Variants in LRRC49 observed in about 807,000 individuals in gnomAD.
LRRC49 encodes the protein leucine-rich repeat-containing protein 49.
LRRC49 carries 50 observed loss-of-function variants against 83.3 expected under a neutral mutation model. The observed-to-expected ratio is 0.60, with a 90% CI of 0.48 to 0.76. The LOEUF (loss-of-function observed/expected upper bound fraction) is 0.76, where lower values mean the gene tolerates loss of function less well. Ranked by LOEUF, LRRC49 falls within the 30% of genes least tolerant of loss-of-function variation. The pLI, the probability that LRRC49 is intolerant of heterozygous loss-of-function variation, is 0.00. For missense variants in LRRC49, 704 were observed against 809.1 expected, an observed-to-expected ratio of 0.87 and a Z score of 1.58; for synonymous variants, 286 against 283.3, an observed-to-expected ratio of 1.01 and a Z score of -0.10.
At chr15:70,952,107 A>G (rs1567067062) in intron 8 of LRRC49, among the ~76,000 whole-genome samples, 1 of 152,160 alleles carries the variant, frequency 6.6e-6, no homozygotes, top group Non-Finnish European at 1.5e-5. Flanking sequence ...CATCCCAGGA[A>G]TAAAGTCTAC....
intron 11 of LRRC49, among the ~76,000 whole-genome samples, chr15:70,998,608 G>A (rs1055116721): frequency 6.6e-6 from 1 of 151,788 alleles, no homozygotes; most frequent in Non-Finnish European, 1.5e-5. Flanking sequence ...TTTCAAGATT[G>A]TCTCTTTATT....
At chr15:70,870,949 T>TG (rs1056579975) in intron 1 of LRRC49, among the ~76,000 whole-genome samples, 3 of 100,710 alleles carry the variant, frequency 3.0e-5, no homozygotes, top group Admixed American at 2.7e-4. Flanking sequence ...TGCTTAGTTT[T>TG]TTTTTTTTTT....
At chr15:70,938,777 G>A (rs1045189268) in intron 8 of LRRC49, among the ~76,000 whole-genome samples, 1 of 152,114 alleles carries the variant, frequency 6.6e-6, no homozygotes, top group Non-Finnish European at 1.5e-5. Flanking sequence ...CTCTAATTCA[G>A]TAGTTTTAGG....
At chr15:70,987,682 T>G (rs1041137051) in intron 11 of LRRC49, among the ~76,000 whole-genome samples, 5 of 152,190 alleles carry the variant, frequency 3.3e-5, no homozygotes, top group African/African-American at 1.2e-4. Flanking sequence ...TACTAGCTTT[T>G]GAATGTGTTT....
At chr15:70,860,945 C>A (rs2032774300) in intron 1 of LRRC49, among the ~76,000 whole-genome samples, 1 of 152,134 alleles carries the variant, frequency 6.6e-6, no homozygotes, top group Admixed American at 6.5e-5. Context: ...GTGTCTCTGG[C>A]TTTTTCCTCT....
At position 70,920,669 on chromosome 15, in the gene LRRC49, G is replaced by A. The variant is rs117271428; in HGVS notation, c.711+1476G>A. Among the ~76,000 whole-genome samples the A allele has an allele frequency of 2.0e-4, 31 of 152,274 alleles. No homozygotes were observed. The East Asian group carries it at 2.7e-3, about 13-fold the overall frequency. ...TAGGAAATTGCTTACTGAATTTCCC[G>A]TTGAGTATTATGTTTAATCATTACT... On this transcript the variant is annotated intron_variant, in intron 7 of 15. Transcript: ENST00000260382.
chr15:71,032,854 A>G (rs1373067062), intron 14 of LRRC49, among the ~76,000 whole-genome samples: 1 of 152,206 alleles, frequency 6.6e-6, no homozygotes. Flanking sequence ...TATTGATGGA[A>G]TGTACCTCAA....
At chr15:70,918,013 G>A (rs760397880) in intron 6 of LRRC49, among the ~76,000 whole-genome samples, 5 of 152,204 alleles carry the variant, frequency 3.3e-5, no homozygotes, top group East Asian at 3.8e-4. Flanking sequence ...GGGACCCTGC[G>A]GTTCCTCGCA....
chr15:70,990,751 G>A (rs866922146), intron 11 of LRRC49, among the ~76,000 whole-genome samples: 9 of 152,316 alleles, frequency 5.9e-5, no homozygotes, highest in Admixed American at 2.6e-4. Flanking sequence ...GCTGTAGACC[G>A]GAGCTGTTCC....
chr15:70,999,572 A>T (rs867282031), intron 11 of LRRC49, among the ~76,000 whole-genome samples: 33 of 152,130 alleles, frequency 2.2e-4, no homozygotes, highest in African/African-American at 7.5e-4. Flanking sequence ...CTCTGCCTTA[A>T]CCTTCATTCC....
chr15:71,009,722 G>A, intron 12 of LRRC49, 85 bp from the exon 13 acceptor site: 3 of 854,266 alleles, frequency 3.5e-6, no homozygotes, highest in South Asian at 2.1e-5. Context: ...ATTTACCTGG[G>A]GAATGATTAG....
At chr15:71,009,324 C>G (rs192026436) in intron 12 of LRRC49, among the ~76,000 whole-genome samples, 212 of 151,996 alleles carry the variant, frequency 1.4e-3, no homozygotes, top group Middle Eastern at 3.4e-3. Context: ...TTTGATTTTT[C>G]TATAGCCAGT....
At chr15:70,870,291 C>A (rs1351626864) in intron 1 of LRRC49, among the ~76,000 whole-genome samples, 1 of 152,240 alleles carries the variant, frequency 6.6e-6, no homozygotes, top group African/African-American at 2.4e-5. Context: ...GCAGCCCACA[C>A]TTTGTCATAA....
chr15:70,959,065 A>G lies in LRRC49; in HGVS notation c.774-4720A>G, dbSNP rs1052321456. On this transcript the variant is annotated intron_variant, in intron 8 of 15. Coordinates refer to ENST00000260382, the MANE Select transcript of LRRC49 (RefSeq NM_017691.5). Reference sequence around the variant, plus strand: ...TAAAGTATTTATAGTACTATAAAGTACTGGTAATTTAGTGCCTGAATAAAT... The same window carrying G: ...TAAAGTATTTATAGTACTATAAAGTGCTGGTAATTTAGTGCCTGAATAAAT... Among the ~76,000 whole-genome samples, 5 of 152,362 alleles carry G rather than the reference A, an allele frequency of 3.3e-5. No homozygotes were observed. The East Asian group carries it at 9.6e-4, about 29-fold the overall frequency.
chr15:70,929,310 C>A (rs1323857504), intron 7 of LRRC49, among the ~76,000 whole-genome samples: 1 of 152,100 alleles, frequency 6.6e-6, no homozygotes, highest in Non-Finnish European at 1.5e-5. Context: ...TTTTTAGTTT[C>A]CCAGTACATA....
At chr15:70,893,021 G>A (rs1362144074) in intron 1 of LRRC49, 79 bp downstream of exon 1, 3 of 1,484,942 alleles carry the variant, frequency 2.0e-6, no homozygotes, top group African/African-American at 2.8e-5. Context: ...GAGATGGGCT[G>A]TATTATTAGG....
chr15:70,873,297 A>T, intron 2 of LRRC49: 1 of 1,414,750 alleles, frequency 7.1e-7, no homozygotes, highest in Non-Finnish European at 9.7e-7. Flanking sequence ...GAACTAAAAC[A>T]TCATATACGG....
In LRRC49 at chr15:70,951,325, G is replaced by A. The variant is rs140537462; in HGVS notation, c.774-12460G>A. Among the ~76,000 whole-genome samples the A allele has an allele frequency of 8.6e-5, 13 of 152,014 alleles. No homozygotes were observed. The East Asian group carries it at 2.3e-3, about 27-fold the overall frequency. On this transcript the variant is annotated intron_variant, in intron 8 of 15. Coordinates refer to ENST00000260382, the MANE Select transcript of LRRC49 (RefSeq NM_017691.5). The stretch of plus-strand genomic sequence containing the variant: ...TGACATTGGTAGTATGATAGGAATG[G>A]CACTGAATCTGTAAATTGCTTTGGG...
intron 9 of LRRC49, among the ~76,000 whole-genome samples, chr15:70,964,421 T>C (rs2036720320): frequency 6.6e-6 from 1 of 152,166 alleles, no homozygotes; most frequent in African/African-American, 2.4e-5. Context: ...AATAAAGTAC[T>C]ACACCTTAGA....
Sources: gnomAD v4.1 joint callset for allele counts (sites outside exome capture counted in the v4.1 genomes callset) on GRCh38, gnomAD v4.1.1 for gene constraint, MANE v1.5 for transcripts, NCBI Gene and HGNC (gene_info 2026-07-23, HGNC 2026-07-21) for gene names.